PFKP: variants seen among roughly 807,000 people sequenced by gnomAD.
The protein encoded by PFKP is phosphofructokinase, platelet.
Under a neutral mutation model 94.3 loss-of-function variants are expected in PFKP, and 101 were observed. The ratio of observed to expected loss-of-function variants is 1.07; its 90% CI spans 0.91 to 1.26. The LOEUF (loss-of-function observed/expected upper bound fraction) is 1.26, where lower values mean the gene tolerates loss of function less well. Among genes scored for constraint, PFKP ranks in the 50% most tolerant of loss-of-function variants. PFKP has a pLI of 0.00. For missense variants in PFKP, 1,145 were observed against 1,103.3 expected (o/e 1.04, Z -0.53); for synonymous variants, 573 against 432.6 (o/e 1.32, Z -4.03).
chr10:3,101,063 G>T (rs906860531), intron 3 of PFKP: 10 of 1,336,286 alleles, frequency 7.5e-6, no homozygotes, highest in Non-Finnish European at 9.7e-6. Flanking sequence ...GTGCTGAGGC[G>T]GCTGCTGTGA....
At position 3,136,040 on chromosome 10, in the gene PFKP, T is replaced by C. The variant is rs917427218; in HGVS notation, c.2225+202T>C. 3.9e-5 allele frequency among the ~76,000 whole-genome samples: 6 copies of C among 152,096 alleles called. No individual in the cohort carries two copies. In the South Asian group the frequency reaches 1.2e-3, roughly 32 times the overall value. On this transcript the variant is annotated intron_variant, in intron 21 of 21. Transcript: ENST00000381125. ...CAGCACTGTGGGAGGCCGAGACAGGTGGATCACAAGGTCAAGAGATCGAGA... is the reference window on the plus strand; with the variant it reads ...CAGCACTGTGGGAGGCCGAGACAGGCGGATCACAAGGTCAAGAGATCGAGA...
chr10:3,082,059 T>TCA (rs1417751490), intron 1 of PFKP, among the ~76,000 whole-genome samples: 2 of 135,674 alleles, frequency 1.5e-5, no homozygotes, highest in South Asian at 2.6e-4. Context: ...CCTTCTCAAA[T>TCA]CACACACACA....
intron 16 of PFKP, among the ~76,000 whole-genome samples, chr10:3,121,964 G>A (rs1837476871): frequency 6.6e-6 from 1 of 151,878 alleles, no homozygotes; most frequent in South Asian, 2.1e-4. Flanking sequence ...TGGGACTACA[G>A]GTGGGTGCCA....
chr10:3,114,553 C>T (rs1033923052), intron 13 of PFKP, among the ~76,000 whole-genome samples: 4 of 152,252 alleles, frequency 2.6e-5, no homozygotes, highest in Non-Finnish European at 5.9e-5. Context: ...GGAGAGAGGA[C>T]AGTGGCTGAG....
At chr10:3,120,712 T>G (rs114964193) in intron 16 of PFKP, among the ~76,000 whole-genome samples, 6,463 of 152,218 alleles carry the variant, frequency 0.042, 155 homozygotes, top group African/African-American at 0.056. Flanking sequence ...CAGGCTTGAG[T>G]GCGGTGGTGT....
At chr10:3,126,907 C>T (rs530232283) in intron 16 of PFKP, among the ~76,000 whole-genome samples, 6 of 152,350 alleles carry the variant, frequency 3.9e-5, no homozygotes, top group South Asian at 2.1e-4. Flanking sequence ...GCAGGGGGAA[C>T]GGCTGAGGTC....
intron 21 of PFKP, 28 bp downstream of exon 21, chr10:3,135,866 T>G (rs1839215319): frequency 7.3e-7 from 1 of 1,366,922 alleles, no homozygotes; most frequent in Non-Finnish European, 1.0e-6. Context: ...CCTGAGGCAA[T>G]AAGACCCCAA....
chr10:3,116,930 CG>C, intron 14 of PFKP, 84 bp downstream of exon 14: 1 of 1,078,294 alleles, frequency 9.3e-7, no homozygotes, highest in Non-Finnish European at 1.4e-6. Flanking sequence ...TGGGTGCCGA[CG>C]CCAGTTGGAT....
intron 2 of PFKP, among the ~76,000 whole-genome samples, chr10:3,089,174 C>A (rs1003659116): frequency 6.6e-6 from 1 of 152,114 alleles, no homozygotes; most frequent in Non-Finnish European, 1.5e-5. Context: ...CTCAGGTGAT[C>A]CTGCCCTCCT....
chr10:3,070,056 C>T (rs1394363203), intron 1 of PFKP, among the ~76,000 whole-genome samples: 1 of 152,236 alleles, frequency 6.6e-6, no homozygotes. Flanking sequence ...CAGGTGGCAT[C>T]AAATATGGTG....
chr10:3,087,939 T>A (rs898235108), intron 2 of PFKP, among the ~76,000 whole-genome samples: 2 of 151,514 alleles, frequency 1.3e-5, no homozygotes, highest in African/African-American at 4.8e-5. Context: ...ATTTATGGTA[T>A]CATCATTTTG....
Position 3,118,781 on chromosome 10 carries a change from G to A in PFKP, c.1443-1G>A. The A allele has an allele frequency of 6.2e-7, 1 of 1,612,428 alleles. No individual in the cohort carries two copies. Among genetic ancestry groups the A allele is most frequent in the Non-Finnish European group, 8.5e-7 (1 of 1,178,748 alleles). On this transcript the variant is annotated splice_acceptor_variant, in intron 14 of 21. Coordinates refer to ENST00000381125, the MANE Select transcript of PFKP (RefSeq NM_002627.5). LOFTEE classifies it high-confidence loss of function. ...ATCGTTCTCCACGTGGCTATTTTCA[G>A]CGTTCTCCCGGGGAAGTACTTGGAA... is the stretch of plus-strand genomic sequence containing the variant.
intron 16 of PFKP, among the ~76,000 whole-genome samples, chr10:3,126,716 C>T (rs781656097): frequency 5.9e-5 from 9 of 152,244 alleles, no homozygotes; most frequent in African/African-American, 1.9e-4. Context: ...CTGTAGCAAA[C>T]GCCACCTTTT....
chr10:3,136,692 C>G lies in PFKP; in HGVS notation c.*113C>G. 2.6e-6 allele frequency: 3 copies of G among 1,161,998 alleles called. No individual in the cohort carries two copies. The highest frequency in any genetic ancestry group is 3.7e-6 in the Non-Finnish European group (3 of 821,202). 72.0% of individuals were successfully genotyped at this position (1,161,998 alleles called of 1,614,324 possible). On this transcript the variant is annotated 3_prime_UTR_variant, in exon 22 of 22. Coordinates refer to ENST00000381125, the MANE Select transcript of PFKP (RefSeq NM_002627.5). The stretch of plus-strand genomic sequence containing the variant: ...ATTATTGACATTAATACCTAATCGG[C>G]GAGTGCCCATCTGCCCCACCTGCTC...
At chr10:3,099,696 G>A (rs535604173) in intron 3 of PFKP, among the ~76,000 whole-genome samples, 5 of 152,210 alleles carry the variant, frequency 3.3e-5, no homozygotes, top group Non-Finnish European at 7.3e-5. Context: ...TGACAACCAC[G>A]GAAGTTAGGT....
intron 4 of PFKP, among the ~76,000 whole-genome samples, chr10:3,102,620 T>G (rs1221016666): frequency 6.6e-6 from 1 of 152,136 alleles, no homozygotes; most frequent in Non-Finnish European, 1.5e-5. Context: ...TTAGTAGAGA[T>G]AGGGTTTCGC....
In PFKP at chr10:3,093,407, C is replaced by T. The variant is rs183227988; in HGVS notation, c.187-5868C>T. 7.4e-3 allele frequency among the ~76,000 whole-genome samples: 1,121 copies of T among 152,284 alleles called. 15 individuals carry two copies. Among genetic ancestry groups the T allele is most frequent in the African/African-American group, 0.025 (1,027 of 41,558 alleles). ...TGTCTAAAAATAAGTGATGCTTGAGCACAGCACTGTGCAGTTTCTTACGTG... is the reference window on the plus strand; with the variant it reads ...TGTCTAAAAATAAGTGATGCTTGAGTACAGCACTGTGCAGTTTCTTACGTG... On this transcript the variant is annotated intron_variant, in intron 2 of 21. Transcript: ENST00000381125.
chr10:3,116,653 A>T (rs1471195195), intron 13 of PFKP, 123 bp from the exon 14 acceptor site: 2 of 758,664 alleles, frequency 2.6e-6, no homozygotes, highest in Non-Finnish European at 4.8e-6. Flanking sequence ...ATGCTGTCTC[A>T]TACGCCTCTC....
At chr10:3,088,018 TAAG>T (rs1833748953) in intron 2 of PFKP, among the ~76,000 whole-genome samples, 1 of 149,518 alleles carries the variant, frequency 6.7e-6, no homozygotes, top group African/African-American at 2.5e-5. Flanking sequence ...CATTATACTT[TAAG>T]TTCTAGGGTA....
Sources: gnomAD v4.1 joint callset for allele counts (sites outside exome capture counted in the v4.1 genomes callset) on GRCh38, gnomAD v4.1.1 for gene constraint, MANE v1.5 for transcripts, NCBI Gene and HGNC (gene_info 2026-07-23, HGNC 2026-07-21) for gene names.